USP54: variants seen among roughly 807,000 people sequenced by gnomAD.
The protein encoded by USP54 is ubiquitin carboxyl-terminal hydrolase 54.
In USP54, 87 loss-of-function variants were observed where a neutral mutation model predicts 170.5. The observed-to-expected ratio is 0.51, with a 90% CI of 0.43 to 0.61. USP54 has a LOEUF of 0.61. USP54 is among the 20% of genes least tolerant of loss of function. The pLI, the probability that USP54 is intolerant of heterozygous loss-of-function variation, is 0.00. For missense variants in USP54, 1,786 were observed against 2,047.8 expected (o/e 0.87, Z 2.47); for synonymous variants, 655 against 742.8 (o/e 0.88, Z 1.92).
chr10:73,530,974 G>C, intron 12 of USP54, 139 bp from the exon 13 acceptor site: 2 of 1,215,752 alleles, frequency 1.6e-6, no homozygotes, highest in East Asian at 2.5e-5. Context: ...TAGGCTATCT[G>C]ATTTCAGTGT....
chr10:73,603,835 A>C (rs1360706906), intron 1 of USP54, among the ~76,000 whole-genome samples: 1 of 152,124 alleles, frequency 6.6e-6, no homozygotes, highest in Non-Finnish European at 1.5e-5. Context: ...ACATTTCTCC[A>C]AAGAAGATAC....
chr10:73,543,256 A>T (rs2067007213), intron 5 of USP54, 125 bp from the exon 6 acceptor site: 4 of 675,110 alleles, frequency 5.9e-6, no homozygotes. Flanking sequence ...GATTTTTAAA[A>T]ATTTTTAGTT....
chr10:73,532,286 C>T (rs2064157564), intron 12 of USP54, among the ~76,000 whole-genome samples: 1 of 152,154 alleles, frequency 6.6e-6, no homozygotes, highest in Admixed American at 6.5e-5. Context: ...CATTCTCCTG[C>T]CTCAGCCTCC....
intron 20 of USP54, among the ~76,000 whole-genome samples, chr10:73,514,231 A>G (rs549924078): frequency 6.6e-6 from 1 of 152,262 alleles, no homozygotes; most frequent in South Asian, 2.1e-4. Flanking sequence ...CTGGGATTAC[A>G]GGCATGAGCC....
At chr10:73,507,624 A>G (rs2133196208) in intron 20 of USP54, among the ~76,000 whole-genome samples, 1 of 148,312 alleles carries the variant, frequency 6.7e-6, no homozygotes, top group South Asian at 2.2e-4. Flanking sequence ...CAGTGAGTCA[A>G]CATCACGCCA....
intron 4 of USP54, among the ~76,000 whole-genome samples, chr10:73,566,940 G>A (rs1021057514): frequency 6.6e-6 from 1 of 151,702 alleles, no homozygotes; most frequent in East Asian, 2.0e-4. Context: ...GCAGTGGCAC[G>A]ATCCTGGCTC....
chr10:73,540,414 C>CA (rs1314784862), intron 9 of USP54, among the ~76,000 whole-genome samples: 1 of 151,864 alleles, frequency 6.6e-6, no homozygotes, highest in African/African-American at 2.4e-5. Flanking sequence ...ACTAAAAATA[C>CA]AAAAAATTAG....
chr10:73,499,143 C>G lies in USP54; in HGVS notation c.4541G>C (p.Gly1514Ala), dbSNP rs61761603. Reference sequence around the variant, plus strand: ...GTACTTGGCCCCTTGGGAAGTTTCACCCCTGTCACACATAGCCAGAAACTG... The same window carrying G: ...GTACTTGGCCCCTTGGGAAGTTTCAGCCCTGTCACACATAGCCAGAAACTG... ...VQQFLAMCDR[G>A]ETSQGAKYTG... is the part of the protein sequence containing the mutation. Residue 1514 changes from glycine to alanine, a missense_variant, in exon 24 of 24, where the codon GGT becomes GCT. This residue lies in a region of USP54 where 1,418 missense variants were observed against 1,569.0 expected (regional missense o/e 0.90). Transcript: ENST00000687698. 0.017 allele frequency: 26,675 copies of G among 1,613,662 alleles called. 277 individuals carry two copies. Among genetic ancestry groups the G allele is most frequent in the Non-Finnish European group, 0.021 (24,495 of 1,179,790 alleles).
At chr10:73,612,889 C>T (rs928284171) in intron 1 of USP54, among the ~76,000 whole-genome samples, 1 of 149,478 alleles carries the variant, frequency 6.7e-6, no homozygotes, top group Admixed American at 6.7e-5. Context: ...GGCGTGGTGG[C>T]ACACACCTGT....
At position 73,571,430 on chromosome 10, in the gene USP54, G is replaced by A. The variant is rs779253613; in HGVS notation, c.231C>T (p.Cys77=). 61 of 1,612,750 alleles carry A rather than the reference G, an allele frequency of 3.8e-5. No homozygotes were observed. Among genetic ancestry groups the A allele is most frequent in the Middle Eastern group, 1.6e-4 (1 of 6,084 alleles). The change falls in exon 4 of 24, where the codon TGC becomes TGT. Residue 77 remains cysteine, a synonymous_variant. Coordinates refer to ENST00000687698, the MANE Select transcript of USP54 (RefSeq NM_001391956.1). ...HKCMGDSCIF[C]ALKGIFNQFQ... ...AATTGGAAGTACTTACCTTGAGAGCGCAAAAGATGCAGGAATCTCCCATGC... is the reference window on the plus strand; with the variant it reads ...AATTGGAAGTACTTACCTTGAGAGCACAAAAGATGCAGGAATCTCCCATGC...
In USP54 at chr10:73,541,749, G is replaced by A. The variant is rs1190305410; in HGVS notation, c.573-11C>T. On this transcript the variant is annotated splice_polypyrimidine_tract_variant and intron_variant, in intron 7 of 23. Coordinates refer to ENST00000687698, the MANE Select transcript of USP54 (RefSeq NM_001391956.1). The stretch of plus-strand genomic sequence containing the variant: ...CAAATAGCCTGATTGCTTCAAGATG[G>A]GGAATAGAAGGGGGATGATGGTTTG... The A allele has an allele frequency of 6.2e-7, 1 of 1,610,378 alleles. No homozygotes were observed. The highest frequency in any genetic ancestry group is 1.7e-5 in the Admixed American group (1 of 59,958).
intron 7 of USP54, 71 bp from the exon 8 acceptor site, chr10:73,541,809 A>G (rs1301394870): frequency 1.4e-6 from 2 of 1,458,472 alleles, no homozygotes; most frequent in Non-Finnish European, 1.9e-6. Context: ...ATTAATGTAC[A>G]TTCCTAACTC....
intron 1 of USP54, among the ~76,000 whole-genome samples, chr10:73,610,191 A>G (rs1037851247): frequency 5.9e-5 from 9 of 152,126 alleles, no homozygotes; most frequent in African/African-American, 1.9e-4. Flanking sequence ...TTAAAAAAAT[A>G]AAAATAAAAA....
intron 1 of USP54, among the ~76,000 whole-genome samples, chr10:73,623,206 G>T (rs2081228543): frequency 6.6e-6 from 1 of 152,054 alleles, no homozygotes; most frequent in South Asian, 2.1e-4. Flanking sequence ...AACATAGCAA[G>T]ACCTCGTCTC....
intron 4 of USP54, among the ~76,000 whole-genome samples, chr10:73,546,282 A>G (rs1213725176): frequency 6.6e-6 from 1 of 152,208 alleles, no homozygotes; most frequent in East Asian, 1.9e-4. Flanking sequence ...ATAGTTTTAC[A>G]TATATATCCC....
intron 1 of USP54, among the ~76,000 whole-genome samples, chr10:73,623,510 A>G (rs1285792374): frequency 2.6e-5 from 4 of 152,210 alleles, no homozygotes; most frequent in Non-Finnish European, 5.9e-5. Context: ...TCAGCTGGGC[A>G]TGGTGGCCCT....
At chr10:73,535,814 G>A (rs1472621310) in intron 11 of USP54, among the ~76,000 whole-genome samples, 1 of 152,082 alleles carries the variant, frequency 6.6e-6, no homozygotes, top group Non-Finnish European at 1.5e-5. Context: ...AAATAGCTAG[G>A]ATAACAGGCA....
intron 5 of USP54, 92 bp downstream of exon 5, chr10:73,545,446 C>A: frequency 6.6e-7 from 1 of 1,513,478 alleles, no homozygotes; most frequent in Non-Finnish European, 9.0e-7. Flanking sequence ...GAGATAAGGG[C>A]ACAGCAAATT....
chr10:73,505,487 A>C, intron 20 of USP54, 61 bp from the exon 21 acceptor site: 2 of 1,351,968 alleles, frequency 1.5e-6, no homozygotes, highest in Non-Finnish European at 2.1e-6. Flanking sequence ...CTAACCTCTA[A>C]GCCTAGCAGC....
Sources: gnomAD v4.1 joint callset for allele counts (sites outside exome capture counted in the v4.1 genomes callset) on GRCh38, gnomAD v4.1.1 for gene constraint, gnomAD v4.1.1 regional missense constraint, MANE v1.5 for transcripts, NCBI Gene and HGNC (gene_info 2026-07-23, HGNC 2026-07-21) for gene names.